LRP1B: variants seen among roughly 807,000 people sequenced by gnomAD.
LRP1B encodes low-density lipoprotein receptor-related protein 1B.
Under a neutral mutation model 556.6 loss-of-function variants are expected in LRP1B, and 217 were observed. That is an observed-to-expected ratio of 0.39 (90% CI 0.35 to 0.44). The LOEUF is 0.44. Ranked by LOEUF, LRP1B falls within the 20% of genes least tolerant of loss-of-function variation. The pLI is 1.00. For synonymous variants in LRP1B, 2,047 were observed against 1,865.8 expected, an observed-to-expected ratio of 1.10 and a Z score of -2.50; for missense variants, 5,053 against 5,620.8, an observed-to-expected ratio of 0.90 and a Z score of 3.23.
At chr2:141,824,588 C>T (rs1438065574) in intron 1 of LRP1B, among the ~76,000 whole-genome samples, 1 of 152,068 alleles carries the variant, frequency 6.6e-6, no homozygotes, top group Non-Finnish European at 1.5e-5. Flanking sequence ...CTCCTGACCT[C>T]GTGATCCTCC....
At chr2:141,568,725 T>G (rs989300418) in intron 2 of LRP1B, among the ~76,000 whole-genome samples, 1 of 151,242 alleles carries the variant, frequency 6.6e-6, no homozygotes, top group Non-Finnish European at 1.5e-5. Context: ...GTTCATTTAG[T>G]CAGTCATCAA....
intron 20 of LRP1B, among the ~76,000 whole-genome samples, chr2:140,926,267 C>T (rs1694883720): frequency 6.6e-6 from 1 of 152,120 alleles, no homozygotes; most frequent in African/African-American, 2.4e-5. Flanking sequence ...ATGTGTAACT[C>T]CTTGTCTTGG....
At position 141,932,922 on chromosome 2, in the gene LRP1B, T is replaced by C. The variant is rs189272321; in HGVS notation, c.83-122521A>G. Among the ~76,000 whole-genome samples, 412 of 152,176 alleles carry C rather than the reference T, an allele frequency of 2.7e-3. 2 individuals carry two copies. Among genetic ancestry groups the C allele is most frequent in the African/African-American group, 9.5e-3 (393 of 41,574 alleles). ...CATCAATTATTTATTGATAAAGCAA[T>C]TTCCTGTGTTTTCACTTCTAATGCA... On this transcript the variant is annotated intron_variant, in intron 1 of 90. Coordinates refer to ENST00000389484, the MANE Select transcript of LRP1B (RefSeq NM_018557.3).
At chr2:141,307,489 T>C (rs185194064) in intron 3 of LRP1B, among the ~76,000 whole-genome samples, 92 of 152,310 alleles carry the variant, frequency 6.0e-4, no homozygotes, top group African/African-American at 2.1e-3. Flanking sequence ...ACTTTCAGTC[T>C]GTATAACTTT....
intron 7 of LRP1B, among the ~76,000 whole-genome samples, chr2:141,126,931 T>C (rs1701228972): frequency 6.6e-6 from 1 of 152,150 alleles, no homozygotes; most frequent in South Asian, 2.1e-4. Flanking sequence ...TACATAGGTA[T>C]ACATGTGCCA....
intron 3 of LRP1B, among the ~76,000 whole-genome samples, chr2:141,365,719 C>G (rs1331193211): frequency 2.3e-5 from 3 of 132,240 alleles, no homozygotes; most frequent in Non-Finnish European, 4.7e-5. Flanking sequence ...GTGGCCCAGG[C>G]TGGAGTGCAG....
At chr2:140,762,114 C>G (rs1168922252) in intron 35 of LRP1B, among the ~76,000 whole-genome samples, 4 of 151,972 alleles carry the variant, frequency 2.6e-5, no homozygotes, top group African/African-American at 9.7e-5. Flanking sequence ...TTCTCTCAAG[C>G]CCTGAGTCCT....
chr2:142,033,231 T>C (rs1574616113), intron 1 of LRP1B, among the ~76,000 whole-genome samples: 1 of 151,836 alleles, frequency 6.6e-6, no homozygotes, highest in East Asian at 1.9e-4. Flanking sequence ...ATTTTTTATT[T>C]TGAAATATAA....
rs1180354933 is a variant in LRP1B at position 141,791,197 on chromosome 2, AAT to A, written c.205+19080_205+19081del. On this transcript the variant is annotated intron_variant, in intron 2 of 90. Transcript: ENST00000389484. ...TCTTAAACAAAAAACTTACATGAAAAATAGTAAAAAGAGAGAATTGCATTCAC... is the reference window on the plus strand; with the variant it reads ...TCTTAAACAAAAAACTTACATGAAAAAGTAAAAAGAGAGAATTGCATTCAC... Among the ~76,000 whole-genome samples, 3 of 152,170 alleles carry A rather than the reference AAT, an allele frequency of 2.0e-5. No individual in the cohort carries two copies. The East Asian group carries it at 5.8e-4, about 29-fold the overall frequency.
rs577749396 is a variant in LRP1B at position 142,115,340 on chromosome 2, A to G, written c.82+15308T>C. Among the ~76,000 whole-genome samples, 114 of 149,228 alleles carry G rather than the reference A, an allele frequency of 7.6e-4. 1 individual carries two copies. Among genetic ancestry groups the G allele is most frequent in the Non-Finnish European group, 1.4e-3 (97 of 67,698 alleles). ...TTGAAGATATGTCAAAGGGTAGAGGAGGCAAACTGAAAGAGCTCCCAGTGG... is the reference window on the plus strand; with the variant it reads ...TTGAAGATATGTCAAAGGGTAGAGGGGGCAAACTGAAAGAGCTCCCAGTGG... On this transcript the variant is annotated intron_variant, in intron 1 of 90. Coordinates refer to ENST00000389484, the MANE Select transcript of LRP1B (RefSeq NM_018557.3).
intron 3 of LRP1B, among the ~76,000 whole-genome samples, chr2:141,306,309 A>G (rs2105439929): frequency 6.6e-6 from 1 of 152,030 alleles, no homozygotes; most frequent in East Asian, 1.9e-4. Flanking sequence ...CAATTTTATC[A>G]CTCATTATTG....
chr2:140,419,723 T>C lies in LRP1B; in HGVS notation c.10414+22781A>G, dbSNP rs78884964. 0.01 allele frequency among the ~76,000 whole-genome samples: 1,555 copies of C among 152,180 alleles called. 53 individuals are homozygous for C. In the East Asian group the frequency reaches 0.14, roughly 14 times the overall value. Reference sequence around the variant, plus strand: ...TTCAAAGGATAAACAAAAAGTGAAGTTAGGCCAGGCATGGTGGCTCATTCC... The same window carrying C: ...TTCAAAGGATAAACAAAAAGTGAAGCTAGGCCAGGCATGGTGGCTCATTCC... On this transcript the variant is annotated intron_variant, in intron 66 of 90. Coordinates refer to ENST00000389484, the MANE Select transcript of LRP1B (RefSeq NM_018557.3).
chr2:141,610,458 C>G (rs1688070914), intron 2 of LRP1B, among the ~76,000 whole-genome samples: 1 of 152,012 alleles, frequency 6.6e-6, no homozygotes, highest in African/African-American at 2.4e-5. Flanking sequence ...TCAAATTGCT[C>G]TCTCCACCTA....
At chr2:141,622,606 T>C (rs920127569) in intron 2 of LRP1B, among the ~76,000 whole-genome samples, 2 of 152,204 alleles carry the variant, frequency 1.3e-5, no homozygotes, top group East Asian at 1.9e-4. Flanking sequence ...TCCAGGACTA[T>C]GTAAGAATCC....
intron 1 of LRP1B, among the ~76,000 whole-genome samples, chr2:141,877,339 A>T (rs10190143): frequency 6.6e-6 from 1 of 151,824 alleles, no homozygotes; most frequent in South Asian, 2.1e-4. Context: ...GTAGCAGTCT[A>T]GCAAGGGATT....
intron 71 of LRP1B, among the ~76,000 whole-genome samples, chr2:140,368,221 C>A (rs1437470142): frequency 6.6e-6 from 1 of 151,712 alleles, no homozygotes; most frequent in Non-Finnish European, 1.5e-5. Flanking sequence ...TGGTCATGTT[C>A]TTAATCAGCT....
Position 141,602,309 on chromosome 2 carries a change from G to A in LRP1B, c.206-121776C>T, listed in dbSNP as rs780150250. Among the ~76,000 whole-genome samples the A allele has an allele frequency of 3.9e-5, 6 of 152,228 alleles. No homozygotes were observed. In the East Asian group the frequency reaches 5.8e-4, roughly 15 times the overall value. ...GTAACCAGCATGAAAATATGTTTTCGGGGTATTGATTTTTGTCTGAAGTAC... is the reference window on the plus strand; with the variant it reads ...GTAACCAGCATGAAAATATGTTTTCAGGGTATTGATTTTTGTCTGAAGTAC... On this transcript the variant is annotated intron_variant, in intron 2 of 90. Transcript: ENST00000389484.
At chr2:141,718,395 A>G (rs577915304) in intron 2 of LRP1B, among the ~76,000 whole-genome samples, 1 of 152,216 alleles carries the variant, frequency 6.6e-6, no homozygotes, top group South Asian at 2.1e-4. Context: ...CACTAAATAT[A>G]CATTTTAAAA....
intron 7 of LRP1B, among the ~76,000 whole-genome samples, chr2:141,096,819 T>G (rs938560932): frequency 5.9e-5 from 9 of 152,156 alleles, no homozygotes; most frequent in African/African-American, 2.2e-4. Context: ...GTACTTTGTC[T>G]TATGAAATAA....
Sources: gnomAD v4.1 joint callset for allele counts (sites outside exome capture counted in the v4.1 genomes callset) on GRCh38, gnomAD v4.1.1 for gene constraint, MANE v1.5 for transcripts, NCBI Gene and HGNC (gene_info 2026-07-23, HGNC 2026-07-21) for gene names.